The following RFX3 variants were observed in gnomAD, a reference collection of about 807,000 sequenced individuals.
The protein encoded by RFX3 is transcription factor RFX3.
A neutral mutation model predicts 98.6 loss-of-function variants in RFX3; 14 were observed. The ratio of observed to expected loss-of-function variants is 0.14; its 90% CI spans 0.09 to 0.22. RFX3 has a LOEUF of 0.22. Ranked by LOEUF, RFX3 falls within the 10% of genes least tolerant of loss-of-function variation. RFX3 has a pLI of 1.00. For synonymous variants in RFX3, 383 were observed against 328.4 expected (o/e 1.17, Z -1.80); for missense variants, 639 against 926.9 (o/e 0.69, Z 4.03).
At chr9:3,501,554 CTTTT>C (rs1051300818) in intron 1 of RFX3, among the ~76,000 whole-genome samples, 4 of 122,632 alleles carry the variant, frequency 3.3e-5, no homozygotes, top group Non-Finnish European at 3.5e-5. Context: ...TTTTTTCCTT[CTTTT>C]TTTTTTTTTT....
chr9:3,320,399 C>A (rs1355067815), intron 4 of RFX3, among the ~76,000 whole-genome samples: 1 of 151,734 alleles, frequency 6.6e-6, no homozygotes, highest in African/African-American at 2.4e-5. Flanking sequence ...CCAAAAATTA[C>A]AAAAGCTAGC....
intron 1 of RFX3, chr9:3,489,443 T>C: frequency 1.0e-6 from 1 of 984,966 alleles, no homozygotes; most frequent in South Asian, 4.7e-5. Flanking sequence ...ACAAACAAGC[T>C]GCTGCATCTT....
chr9:3,403,167 G>A lies in RFX3; in HGVS notation c.-8-7571C>T, dbSNP rs188994913. ...AATATAAAACACTTGGCTTTCTTCC[G>A]CCTTCACCCAGTACAAATGAAAAAA... is the stretch of plus-strand genomic sequence containing the variant. On this transcript the variant is annotated intron_variant, in intron 1 of 16. Transcript: ENST00000617270. Among the ~76,000 whole-genome samples the A allele has an allele frequency of 4.9e-3, 740 of 151,968 alleles. 2 individuals are homozygous for A. Among genetic ancestry groups the A allele is most frequent in the Non-Finnish European group, 8.7e-3 (593 of 67,904 alleles).
intron 1 of RFX3, among the ~76,000 whole-genome samples, chr9:3,502,083 C>T (rs1288684674): frequency 6.6e-6 from 1 of 150,886 alleles, no homozygotes; most frequent in East Asian, 2.0e-4. Context: ...AACCCCGTCT[C>T]CACTAAAAAA....
chr9:3,264,985 G>A (rs773207652), intron 12 of RFX3, among the ~76,000 whole-genome samples: 2 of 152,162 alleles, frequency 1.3e-5, no homozygotes, highest in Non-Finnish European at 2.9e-5. Flanking sequence ...AGGATTCCTT[G>A]ACCATAATCA....
chr9:3,502,172 T>C (rs1816099472), intron 1 of RFX3, among the ~76,000 whole-genome samples: 1 of 150,308 alleles, frequency 6.7e-6, no homozygotes, highest in Non-Finnish European at 1.5e-5. Flanking sequence ...GGCAGGAGAA[T>C]GGTGTGAACC....
intron 2 of RFX3, among the ~76,000 whole-genome samples, chr9:3,361,850 G>C (rs1181149949): frequency 6.6e-6 from 1 of 151,972 alleles, no homozygotes; most frequent in East Asian, 1.9e-4. Flanking sequence ...AGGAGACCAA[G>C]GCAGGAGGAT....
intron 1 of RFX3, among the ~76,000 whole-genome samples, chr9:3,459,849 A>T (rs566024494): frequency 6.6e-6 from 1 of 152,208 alleles, no homozygotes; most frequent in Admixed American, 6.5e-5. Context: ...TCTTCCACTA[A>T]TAACTCTAAT....
At chr9:3,334,910 A>C (rs994233154) in intron 3 of RFX3, among the ~76,000 whole-genome samples, 3 of 152,072 alleles carry the variant, frequency 2.0e-5, no homozygotes, top group Non-Finnish European at 4.4e-5. Flanking sequence ...ACCTGAGGTC[A>C]GGAGTTCGAG....
intron 3 of RFX3, among the ~76,000 whole-genome samples, chr9:3,342,756 A>G (rs1175788838): frequency 6.6e-6 from 1 of 152,214 alleles, no homozygotes; most frequent in Non-Finnish European, 1.5e-5. Context: ...AGCAGGTTTA[A>G]TCATAGTATT....
intron 1 of RFX3, among the ~76,000 whole-genome samples, chr9:3,440,708 C>A (rs1845540565): frequency 6.6e-6 from 1 of 152,120 alleles, no homozygotes; most frequent in Non-Finnish European, 1.5e-5. Flanking sequence ...TCCCAATAGG[C>A]TTTTTCACAG....
intron 15 of RFX3, chr9:3,247,227 C>T (rs1458859894): frequency 1.1e-5 from 11 of 972,734 alleles, no homozygotes; most frequent in Non-Finnish European, 1.2e-5. Context: ...GCATTTGCAT[C>T]TATTCCTCAT....
chr9:3,385,695 A>G (rs1451662354), intron 2 of RFX3, among the ~76,000 whole-genome samples: 2 of 146,026 alleles, frequency 1.4e-5, no homozygotes, highest in Non-Finnish European at 3.0e-5. Flanking sequence ...CTTAAAAAAA[A>G]AAAAAAAAAG....
intron 11 of RFX3, 133 bp downstream of exon 11, chr9:3,270,238 T>C: frequency 1.2e-6 from 1 of 853,842 alleles, no homozygotes; most frequent in South Asian, 2.1e-5. Flanking sequence ...CGCAATATTC[T>C]GTGTTGCATG....
rs75741380 is a variant in RFX3, at chr9:3,324,586, TAA to T, written c.474+5671_474+5672del. On this transcript the variant is annotated intron_variant, in intron 4 of 16. Coordinates refer to ENST00000617270, the MANE Select transcript of RFX3 (RefSeq NM_001282116.2). ...TGCGGCATTTTTCTTACCATTTGTG[TAA>T]AAAAAAAAAAAAGAGAGAGGGAGTG... Among the ~76,000 whole-genome samples the T allele has an allele frequency of 3.2e-4, 43 of 134,952 alleles. No homozygotes were observed. In the South Asian group the frequency reaches 4.0e-3, roughly 13 times the overall value. The allele number at this position is 134,952 out of a possible 152,430, so 88.5% of individuals were successfully genotyped here.
chr9:3,316,159 T>C (rs1021376111), intron 4 of RFX3, among the ~76,000 whole-genome samples: 3 of 152,104 alleles, frequency 2.0e-5, no homozygotes, highest in Non-Finnish European at 4.4e-5. Flanking sequence ...CAGCAGTACA[T>C]CTAAAACCCT....
intron 4 of RFX3, among the ~76,000 whole-genome samples, chr9:3,326,466 C>T (rs1366741568): frequency 6.6e-6 from 1 of 152,006 alleles, no homozygotes; most frequent in African/African-American, 2.4e-5. Flanking sequence ...ATTATTTTTC[C>T]TGATCCTCTC....
intron 13 of RFX3, among the ~76,000 whole-genome samples, chr9:3,259,162 T>G (rs901411734): frequency 3.3e-5 from 5 of 151,536 alleles, no homozygotes; most frequent in African/African-American, 1.2e-4. Flanking sequence ...GCAGGAGAGG[T>G]TTTTTTTGTT....
At chr9:3,328,322 T>A (rs1210384683) in intron 4 of RFX3, among the ~76,000 whole-genome samples, 1 of 152,190 alleles carries the variant, frequency 6.6e-6, no homozygotes, top group Non-Finnish European at 1.5e-5. Context: ...TACTTTTACA[T>A]TTAGAATATT....
Sources: allele counts gnomAD v4.1 joint callset (sites outside exome capture counted in the v4.1 genomes callset), GRCh38; gene constraint gnomAD v4.1.1; transcripts MANE v1.5; gene names NCBI Gene and HGNC (gene_info 2026-07-23, HGNC 2026-07-21).